The following CADM2 variants were observed in gnomAD, a reference collection of about 807,000 sequenced individuals.
CADM2 encodes the protein cell adhesion molecule 2, also known as immunoglobulin superfamily member 4D.
Under a neutral mutation model 49.8 loss-of-function variants are expected in CADM2, and 12 were observed. That is an observed-to-expected ratio of 0.24 (90% CI 0.15 to 0.39). The LOEUF is 0.39. CADM2 is among the 10% of genes least tolerant of loss of function. CADM2 has a pLI of 1.00. For synonymous variants in CADM2, 214 were observed against 175.4 expected, an observed-to-expected ratio of 1.22 and a Z score of -1.74; for missense variants, 378 against 492.3, an observed-to-expected ratio of 0.77 and a Z score of 2.20.
At chr3:85,531,895 AG>A in intron 1 of CADM2, among the ~76,000 whole-genome samples, 1 of 152,216 alleles carries the variant, frequency 6.6e-6, no homozygotes, top group East Asian at 1.9e-4. Flanking sequence ...CAAATAAAAA[AG>A]TCCAGGTGCG....
intron 9 of CADM2, among the ~76,000 whole-genome samples, chr3:86,066,002 T>C (rs1739264630): frequency 6.6e-6 from 1 of 152,070 alleles, no homozygotes; most frequent in South Asian, 2.1e-4. Context: ...AAGTTTGTAA[T>C]TTATATCTAG....
chr3:85,943,314 T>G (rs1577726196), intron 7 of CADM2, among the ~76,000 whole-genome samples: 1 of 136,304 alleles, frequency 7.3e-6, no homozygotes, highest in Non-Finnish European at 1.5e-5. Context: ...TAGTTTCTTT[T>G]GCTGTGCAGA....
chr3:85,030,331 T>C (rs1559625249), intron 1 of CADM2, among the ~76,000 whole-genome samples: 1 of 152,174 alleles, frequency 6.6e-6, no homozygotes, highest in Non-Finnish European at 1.5e-5. Context: ...ATTTATATGC[T>C]CTGTTATTCT....
chr3:85,468,210 C>T (rs1361298687), intron 1 of CADM2, among the ~76,000 whole-genome samples: 7 of 146,900 alleles, frequency 4.8e-5, no homozygotes, highest in African/African-American at 1.8e-4. Flanking sequence ...AATATCGATT[C>T]CTGGCTGAGA....
At chr3:84,983,314 A>G (rs549246559) in intron 1 of CADM2, among the ~76,000 whole-genome samples, 5 of 151,092 alleles carry the variant, frequency 3.3e-5, no homozygotes, top group East Asian at 1.9e-4. Context: ...ATAAATCCCA[A>G]TAAAATCAGT....
intron 1 of CADM2, among the ~76,000 whole-genome samples, chr3:85,153,618 G>A (rs2040005203): frequency 6.6e-6 from 1 of 152,274 alleles, no homozygotes; most frequent in African/African-American, 2.4e-5. Flanking sequence ...GCCTCTGTAG[G>A]CTCCATCTCT....
At chr3:86,043,770 A>C (rs993660474) in intron 8 of CADM2, among the ~76,000 whole-genome samples, 3 of 152,222 alleles carry the variant, frequency 2.0e-5, no homozygotes, top group Admixed American at 6.5e-5. Context: ...CTAAGCCAAA[A>C]GAATAAAGCT....
intron 8 of CADM2, among the ~76,000 whole-genome samples, chr3:86,010,287 A>G (rs1296471172): frequency 1.3e-5 from 2 of 152,002 alleles, no homozygotes; most frequent in Non-Finnish European, 2.9e-5. Context: ...CTGCTCTTCA[A>G]ATAAAAAATA....
chr3:85,453,415 A>G (rs2037842979), intron 1 of CADM2, among the ~76,000 whole-genome samples: 1 of 152,092 alleles, frequency 6.6e-6, no homozygotes, highest in African/African-American at 2.4e-5. Flanking sequence ...TGGTTATCGT[A>G]TTCTTAATTG....
chr3:85,737,794 G>A (rs1206423523), intron 2 of CADM2, among the ~76,000 whole-genome samples: 2 of 151,998 alleles, frequency 1.3e-5, no homozygotes, highest in South Asian at 2.1e-4. Context: ...TCCTGACCTC[G>A]TGATCTGCCC....
chr3:85,035,173 G>A (rs543243267), intron 1 of CADM2, among the ~76,000 whole-genome samples: 1 of 152,058 alleles, frequency 6.6e-6, no homozygotes, highest in Non-Finnish European at 1.5e-5. Flanking sequence ...TAATGATAGT[G>A]ATTTTGAGCA....
At chr3:85,314,755 G>A (rs1292310278) in intron 1 of CADM2, among the ~76,000 whole-genome samples, 1 of 152,116 alleles carries the variant, frequency 6.6e-6, no homozygotes, top group African/African-American at 2.4e-5. Flanking sequence ...CTGGGGTGAA[G>A]CACATTGGAA....
At chr3:85,657,250 A>C (rs2065228012) in intron 1 of CADM2, among the ~76,000 whole-genome samples, 1 of 152,176 alleles carries the variant, frequency 6.6e-6, no homozygotes, top group African/African-American at 2.4e-5. Flanking sequence ...GATGTGAATA[A>C]TTATTTTCAC....
At chr3:85,541,789 A>ATATATATATATATATATATG (rs1559897779) in intron 1 of CADM2, among the ~76,000 whole-genome samples, 8 of 141,482 alleles carry the variant, frequency 5.7e-5, no homozygotes, top group African/African-American at 2.1e-4. Context: ...ATATATATAT[A>ATATATATATATATATATATG]TATATGTATA....
chr3:85,516,928 C>T (rs1292249338), intron 1 of CADM2, among the ~76,000 whole-genome samples: 1 of 151,826 alleles, frequency 6.6e-6, no homozygotes, highest in African/African-American at 2.4e-5. Flanking sequence ...ATCCTTTTCA[C>T]TTCCTTAATT....
At chr3:86,065,788 T>C (rs1042847427) in intron 9 of CADM2, 58 bp downstream of exon 9, 12 of 1,556,756 alleles carry the variant, frequency 7.7e-6, no homozygotes, top group African/African-American at 6.8e-5. Flanking sequence ...ACTAACTTCA[T>C]TATAAAATAT....
intron 8 of CADM2, among the ~76,000 whole-genome samples, chr3:86,004,781 A>G (rs939971270): frequency 6.6e-6 from 1 of 152,132 alleles, no homozygotes; most frequent in African/African-American, 2.4e-5. Context: ...TAAAATGCAA[A>G]TCCAAGCAAA....
chr3:85,837,772 C>T (rs556386855), intron 3 of CADM2, among the ~76,000 whole-genome samples: 62 of 151,824 alleles, frequency 4.1e-4, no homozygotes, highest in African/African-American at 1.5e-3. Flanking sequence ...TTTACCATAA[C>T]ACATAACTTC....
At chr3:85,592,479 C>T (rs1000388342) in intron 1 of CADM2, among the ~76,000 whole-genome samples, 10 of 151,928 alleles carry the variant, frequency 6.6e-5, no homozygotes, top group Non-Finnish European at 1.3e-4. Flanking sequence ...ACTGTAACCA[C>T]AGACTTAGTA....
Sources: gnomAD v4.1 joint callset for allele counts (sites outside exome capture counted in the v4.1 genomes callset) on GRCh38, gnomAD v4.1.1 for gene constraint, MANE v1.5 for transcripts, NCBI Gene and HGNC (gene_info 2026-07-23, HGNC 2026-07-21) for gene names.